EHD4: variants seen among roughly 807,000 people sequenced by gnomAD.
EHD4 encodes EH domain-containing protein 4.
Under a neutral mutation model 51.0 loss-of-function variants are expected in EHD4, and 37 were observed. The ratio of observed to expected loss-of-function variants is 0.73; its 90% CI spans 0.56 to 0.95. The LOEUF (loss-of-function observed/expected upper bound fraction) is 0.95. Ranked by LOEUF, EHD4 falls within the 40% of genes least tolerant of loss-of-function variation. EHD4 has a pLI of 0.00. For missense variants in EHD4, 632 were observed against 733.1 expected, an observed-to-expected ratio of 0.86 and a Z score of 1.59; for synonymous variants, 297 against 317.3, an observed-to-expected ratio of 0.94 and a Z score of 0.68.
intron 1 of EHD4, among the ~76,000 whole-genome samples, chr15:41,954,195 C>T (rs1332402004): frequency 6.6e-6 from 1 of 152,178 alleles, no homozygotes; most frequent in Non-Finnish European, 1.5e-5. Flanking sequence ...GCCTCCCTGA[C>T]CTGCATGTGG....
chr15:41,903,859 G>A (rs966777631), intron 5 of EHD4, among the ~76,000 whole-genome samples: 34 of 152,184 alleles, frequency 2.2e-4, no homozygotes, highest in African/African-American at 8.0e-4. Flanking sequence ...CAAACCCAGC[G>A]TGTGGCCCCT....
intron 3 of EHD4, among the ~76,000 whole-genome samples, chr15:41,929,733 T>A (rs1457465241): frequency 6.6e-6 from 1 of 152,216 alleles, no homozygotes; most frequent in East Asian, 1.9e-4. Flanking sequence ...GTGAGTCAGA[T>A]GATCAAAAAG....
intron 1 of EHD4, among the ~76,000 whole-genome samples, chr15:41,971,695 A>G (rs2067996586): frequency 6.6e-6 from 1 of 152,244 alleles, no homozygotes; most frequent in Admixed American, 6.5e-5. Flanking sequence ...ACGGGCGGCT[A>G]AAGGCGGTGC....
intron 3 of EHD4, 130 bp downstream of exon 3, chr15:41,942,937 G>T: frequency 1.2e-6 from 1 of 814,804 alleles, no homozygotes; most frequent in Non-Finnish European, 2.0e-6. Flanking sequence ...GTTGACACTT[G>T]GGGCCCCTTC....
intron 3 of EHD4, among the ~76,000 whole-genome samples, chr15:41,922,581 A>G (rs761722740): frequency 6.6e-6 from 1 of 152,156 alleles, no homozygotes; most frequent in African/African-American, 2.4e-5. Context: ...GTGCAGATGC[A>G]GTCTCTCTTC....
intron 3 of EHD4, among the ~76,000 whole-genome samples, chr15:41,940,646 C>T (rs1412510352): frequency 1.3e-5 from 2 of 152,166 alleles, no homozygotes; most frequent in South Asian, 2.1e-4. Context: ...CTGGCTGGAA[C>T]ATATATGCTA....
intron 1 of EHD4, among the ~76,000 whole-genome samples, chr15:41,956,218 C>T (rs1473966835): frequency 6.6e-6 from 1 of 152,246 alleles, no homozygotes; most frequent in East Asian, 1.9e-4. Flanking sequence ...CAGACGAGAA[C>T]TGCAGCGTGT....
intron 1 of EHD4, among the ~76,000 whole-genome samples, chr15:41,961,117 T>C (rs2067921690): frequency 6.6e-6 from 1 of 152,246 alleles, no homozygotes; most frequent in Non-Finnish European, 1.5e-5. Flanking sequence ...CATTAGGTCA[T>C]TGAACCAATA....
At chr15:41,934,995 C>T (rs1415039413) in intron 3 of EHD4, among the ~76,000 whole-genome samples, 1 of 152,188 alleles carries the variant, frequency 6.6e-6, no homozygotes, top group East Asian at 1.9e-4. Flanking sequence ...CCAGGGCCTA[C>T]AGCTCACAGC....
In EHD4 at chr15:41,918,555, C is replaced by G. The variant is rs550452425; in HGVS notation, c.924+655G>C. Among the ~76,000 whole-genome samples the G allele has an allele frequency of 5.9e-5, 9 of 152,350 alleles. No individual in the cohort carries two copies. The South Asian group carries it at 1.9e-3, about 32-fold the overall frequency. On this transcript the variant is annotated intron_variant, in intron 4 of 5. Transcript: ENST00000220325. ...TGAGGGATGTCAGCAGGTCACCTCT[C>G]ACTGCCCCATTGGGCACACACTCCT...
At position 41,900,970 on chromosome 15, in the gene EHD4, T is replaced by C; in HGVS notation, c.1301A>G (p.Lys434Arg). 1 of 1,611,886 alleles carries C rather than the reference T, an allele frequency of 6.2e-7. No individual in the cohort carries two copies. The highest frequency in any genetic ancestry group is 8.5e-7 in the Non-Finnish European group (1 of 1,178,176). The change falls in exon 6 of 6, where the codon AAG becomes AGG. Residue 434 changes from lysine to arginine, a missense_variant. Physicochemically the swap from Lys to Arg is conservative, Grantham distance 26. Coordinates refer to ENST00000220325, the MANE Select transcript of EHD4 (RefSeq NM_139265.4). This position sits in a 1 kb window ranked among gnomAD's most constrained non-coding sequence, Gnocchi z 4.8. ...PFNQGYGEGA[K>R]EGADEEEWVV... ...CCACTCCTCCTCGTCGGCGCCCTCC[T>C]TGGCACCCTCCCCGTAGCCCTGGTT... is the stretch of plus-strand genomic sequence containing the variant.
chr15:41,948,512 A>G (rs1196942248), intron 2 of EHD4, among the ~76,000 whole-genome samples: 1 of 152,182 alleles, frequency 6.6e-6, no homozygotes, highest in East Asian at 1.9e-4. Context: ...TTTATTATAG[A>G]TAAATGAACC....
intron 4 of EHD4, among the ~76,000 whole-genome samples, chr15:41,917,776 C>A (rs918742079): frequency 2.6e-5 from 4 of 152,216 alleles, no homozygotes; most frequent in African/African-American, 9.6e-5. Flanking sequence ...GTTAGCACAT[C>A]TGCCTTGCAG....
chr15:41,905,355 C>A (rs1198115639), intron 5 of EHD4, among the ~76,000 whole-genome samples: 1 of 152,216 alleles, frequency 6.6e-6, no homozygotes, highest in Non-Finnish European at 1.5e-5. Context: ...GCACGGGGAA[C>A]CCCTGGTCTA....
chr15:41,972,024 C>T (rs1325245366), intron 1 of EHD4, among the ~76,000 whole-genome samples: 1 of 152,140 alleles, frequency 6.6e-6, no homozygotes, highest in Non-Finnish European at 1.5e-5. Context: ...GGAGCAACGC[C>T]TTCCGAACCG....
rs1337852133 is a variant in EHD4 at position 41,897,455 on chromosome 15, C to T, written c.*3190G>A. On this transcript the variant is annotated 3_prime_UTR_variant, in exon 6 of 6. Coordinates refer to ENST00000220325, the MANE Select transcript of EHD4 (RefSeq NM_139265.4). ...AGGCCCAGCCCGGAGAAAGGAAAGC[C>T]AAAAGCCAACTGAATGAATGACCCT... is the stretch of plus-strand genomic sequence containing the variant. 1 of 152,356 alleles carries T rather than the reference C, an allele frequency of 6.6e-6. No homozygotes were observed. Among genetic ancestry groups the T allele is most frequent in the African/African-American group, 2.4e-5 (1 of 41,450 alleles). The allele number at this position is 152,356 out of a possible 1,614,324, so 9.4% of individuals were successfully genotyped here.
In EHD4 at chr15:41,900,692, G is replaced by T. The variant is rs145578237; in HGVS notation, c.1579C>A (p.His527Asn). 1.6e-5 allele frequency: 25 copies of T among 1,605,232 alleles called. No individual in the cohort carries two copies. Among genetic ancestry groups the T allele is most frequent in the South Asian group, 3.3e-5 (3 of 91,026 alleles). The change falls in exon 6 of 6, where the codon CAC becomes AAC. Residue 527 changes from histidine to asparagine, a missense_variant. Physicochemically the swap from His to Asn is moderately conservative, Grantham distance 68. Transcript: ENST00000220325. This position sits in a 1 kb window ranked among gnomAD's most constrained non-coding sequence, Gnocchi z 4.8. ...GYELPSSLPP[H>N]LVPPSHRKSL... ...TTCCTGTGCGAGGGGGGCACGAGGTGGGGGGGCAGGCTGCTGGGCAGCTCG... is the reference window on the plus strand; with the variant it reads ...TTCCTGTGCGAGGGGGGCACGAGGTTGGGGGGCAGGCTGCTGGGCAGCTCG...
At chr15:41,933,443 C>G (rs2067711843) in intron 3 of EHD4, among the ~76,000 whole-genome samples, 1 of 152,200 alleles carries the variant, frequency 6.6e-6, no homozygotes, top group Admixed American at 6.5e-5. Flanking sequence ...AAAGTACCTT[C>G]CCCTGTTTTA....
chr15:41,965,381 C>T (rs1038173655), intron 1 of EHD4, among the ~76,000 whole-genome samples: 3 of 152,300 alleles, frequency 2.0e-5, no homozygotes, highest in African/African-American at 7.2e-5. Flanking sequence ...ATGTCTTCAT[C>T]TAAGTCACTG....
Sources: allele counts gnomAD v4.1 joint callset (sites outside exome capture counted in the v4.1 genomes callset), GRCh38; gene constraint gnomAD v4.1.1; non-coding constraint Gnocchi (gnomAD v3.1); transcripts MANE v1.5; gene names NCBI Gene and HGNC (gene_info 2026-07-23, HGNC 2026-07-21).